The following LIPC variants were observed in gnomAD, a reference collection of about 807,000 sequenced individuals.
LIPC encodes lipase C, hepatic type, also known as hepatic triacylglycerol lipase.
Under a neutral mutation model 50.7 loss-of-function variants are expected in LIPC, and 44 were observed. The ratio of observed to expected loss-of-function variants is 0.87; its 90% CI spans 0.68 to 1.11. The LOEUF (loss-of-function observed/expected upper bound fraction) is 1.11, where lower values mean the gene tolerates loss of function less well. LIPC is among the 50% of genes most tolerant of loss of function. The pLI is 0.00. For synonymous variants in LIPC, 271 were observed against 256.4 expected, an observed-to-expected ratio of 1.06 and a Z score of -0.54; for missense variants, 697 against 648.2, an observed-to-expected ratio of 1.08 and a Z score of -0.82.
intron 1 of LIPC, among the ~76,000 whole-genome samples, chr15:58,463,236 G>A (rs1270151631): frequency 6.6e-6 from 1 of 152,224 alleles, no homozygotes; most frequent in African/African-American, 2.4e-5. Flanking sequence ...GGGAACTTAT[G>A]TGTCATTCAC....
intron 1 of LIPC, among the ~76,000 whole-genome samples, chr15:58,536,140 G>C (rs1358125467): frequency 1.3e-5 from 2 of 152,210 alleles, no homozygotes; most frequent in Non-Finnish European, 2.9e-5. Context: ...GCAAGAAGGA[G>C]TAATTATCTC....
At chr15:58,479,113 A>T (rs111666794) in intron 1 of LIPC, among the ~76,000 whole-genome samples, 2 of 152,344 alleles carry the variant, frequency 1.3e-5, no homozygotes, top group African/African-American at 4.8e-5. Flanking sequence ...CTCAGCAAAC[A>T]GTGTGATTTA....
chr15:58,455,020 T>C (rs749402804), intron 1 of LIPC: 1 of 152,254 alleles, frequency 6.6e-6, no homozygotes, highest in Non-Finnish European at 1.5e-5. Context: ...CCGTCTGTCG[T>C]ACTGTGTGGT....
intron 6 of LIPC, among the ~76,000 whole-genome samples, chr15:58,558,123 A>G (rs1468076481): frequency 2.0e-5 from 3 of 150,362 alleles, no homozygotes; most frequent in East Asian, 3.9e-4. Context: ...ACCAGGCTGG[A>G]GTGCAGTGGT....
In LIPC at chr15:58,548,490, G is replaced by A. The variant is rs539127704; in HGVS notation, c.969G>A (p.Thr323=). 188 of 1,609,768 alleles carry A rather than the reference G, an allele frequency of 1.2e-4. No homozygotes were observed. Among genetic ancestry groups the A allele is most frequent in the Middle Eastern group, 1.6e-4 (1 of 6,074 alleles). Residue 323 remains threonine, a synonymous_variant, in exon 6 of 9, where the codon ACG becomes ACA. Transcript: ENST00000299022. ...GCTGCAAGAAGGGCCGCTGCAACAC[G>A]CTGGGCTACCACGTCCGCCAGGAGC... ...CLSCKKGRCN[T]LGYHVRQEPR... is the part of the protein sequence containing the mutation.
rs149264150 is a variant in LIPC, at chr15:58,486,894, G to A, written c.89-51439G>A. On this transcript the variant is annotated intron_variant, in intron 1 of 8. Coordinates refer to ENST00000299022, the MANE Select transcript of LIPC (RefSeq NM_000236.3). ...AATAGTGAACAGGCCCAAGAGAGAA[G>A]GAAATAATTTAGATGGCAGATGGCA... 1.4e-4 allele frequency among the ~76,000 whole-genome samples: 22 copies of A among 152,304 alleles called. No homozygotes were observed. The East Asian group carries it at 4.1e-3, about 28-fold the overall frequency.
At chr15:58,497,306 TG>T (rs1891807502) in intron 1 of LIPC, among the ~76,000 whole-genome samples, 1 of 152,112 alleles carries the variant, frequency 6.6e-6, no homozygotes, top group African/African-American at 2.4e-5. Flanking sequence ...CTGCCACCCG[TG>T]GTGGGACAAT....
At chr15:58,472,302 A>G (rs1232156972) in intron 1 of LIPC, among the ~76,000 whole-genome samples, 1 of 144,716 alleles carries the variant, frequency 6.9e-6, no homozygotes, top group African/African-American at 2.5e-5. Context: ...AAGAAATCTT[A>G]GCAGGATTAC....
chr15:58,436,585 T>G (rs1424311969), intron 1 of LIPC: 1 of 306,030 alleles, frequency 3.3e-6, no homozygotes, highest in African/African-American at 2.2e-5. Flanking sequence ...TGAAAATACT[T>G]TTGTCTTATA....
intron 1 of LIPC, among the ~76,000 whole-genome samples, chr15:58,489,927 T>C (rs1160968640): frequency 6.6e-6 from 1 of 152,118 alleles, no homozygotes; most frequent in African/African-American, 2.4e-5. Context: ...AAAAGCAAGA[T>C]GGAGTCAACT....
chr15:58,544,584 C>T (rs1893459106), intron 4 of LIPC, among the ~76,000 whole-genome samples: 1 of 151,866 alleles, frequency 6.6e-6, no homozygotes, highest in Non-Finnish European at 1.5e-5. Context: ...TTAGTAGAAA[C>T]GGGGTTTTGT....
intron 1 of LIPC, among the ~76,000 whole-genome samples, chr15:58,468,143 G>T (rs1450797731): frequency 1.3e-5 from 2 of 152,166 alleles, no homozygotes; most frequent in African/African-American, 4.8e-5. Flanking sequence ...TATTACCCCA[G>T]ATTATAGATA....
At chr15:58,474,513 GAAA>G (rs67354532) in intron 1 of LIPC, among the ~76,000 whole-genome samples, 26 of 130,730 alleles carry the variant, frequency 2.0e-4, no homozygotes, top group South Asian at 5.1e-4. Context: ...CCTGTCTCAG[GAAA>G]AAAAAAAAAA....
chr15:58,552,191 G>T (rs1434456877), intron 6 of LIPC, among the ~76,000 whole-genome samples: 3 of 152,202 alleles, frequency 2.0e-5, no homozygotes, highest in African/African-American at 7.2e-5. Flanking sequence ...GCCCTCGGGG[G>T]GCACTCTGCC....
At chr15:58,548,659 G>A (rs1893632360) in intron 6 of LIPC, 87 bp downstream of exon 6, 2 of 1,508,898 alleles carry the variant, frequency 1.3e-6, no homozygotes, top group African/African-American at 2.7e-5. Flanking sequence ...TTCTTTCCTG[G>A]AGGTGCTTCA....
intron 6 of LIPC, among the ~76,000 whole-genome samples, chr15:58,554,902 T>C (rs889005285): frequency 2.0e-5 from 3 of 152,002 alleles, no homozygotes; most frequent in Non-Finnish European, 4.4e-5. Context: ...TTCTCAGGAG[T>C]GCTCCTGCAA....
intron 1 of LIPC, chr15:58,498,817 T>C (rs1255063739): frequency 6.6e-6 from 1 of 152,174 alleles, no homozygotes; most frequent in Non-Finnish European, 1.5e-5. Context: ...CCACACCCAC[T>C]TCAGCTTCTG....
At chr15:58,498,329 C>T (rs1173807206) in intron 1 of LIPC, among the ~76,000 whole-genome samples, 4 of 152,144 alleles carry the variant, frequency 2.6e-5, no homozygotes, top group Non-Finnish European at 5.9e-5. Flanking sequence ...GCATTTCTAA[C>T]AAATTCCTGG....
At chr15:58,559,702 C>CATA (rs373261346) in intron 6 of LIPC, among the ~76,000 whole-genome samples, 41 of 11,482 alleles carry the variant, frequency 3.6e-3, no homozygotes, top group Non-Finnish European at 6.7e-3. Flanking sequence ...GACCCTGTCT[C>CATA]AAAAAAAAAA....
Sources: allele counts gnomAD v4.1 joint callset (sites outside exome capture counted in the v4.1 genomes callset), GRCh38; gene constraint gnomAD v4.1.1; transcripts MANE v1.5; gene names NCBI Gene and HGNC (gene_info 2026-07-23, HGNC 2026-07-21).